The following SPOP variants were observed in gnomAD, a reference collection of about 807,000 sequenced individuals.
SPOP encodes the protein speckle type BTB/POZ protein, also known as speckle-type POZ protein.
A neutral mutation model predicts 45.6 loss-of-function variants in SPOP; 11 were observed. That is an observed-to-expected ratio of 0.24 (90% CI 0.15 to 0.40). The LOEUF (loss-of-function observed/expected upper bound fraction) is 0.40. SPOP is among the 10% of genes least tolerant of loss of function. The pLI, the probability that SPOP is intolerant of heterozygous loss-of-function variation, is 1.00. For synonymous variants in SPOP, 166 were observed against 166.3 expected (o/e 1.00, Z 0.01); for missense variants, 152 against 465.6 (o/e 0.33, Z 6.20).
rs781175213 is a variant in SPOP at position 49,621,964 on chromosome 17, G to A, written c.182C>T (p.Ala61Val). 2 of 1,613,824 alleles carry A rather than the reference G, an allele frequency of 1.2e-6. No individual in the cohort carries two copies. The highest frequency in any genetic ancestry group is 1.7e-6 in the Non-Finnish European group (2 of 1,179,806). ...TCCTCACCATTTCAGTTTATCATTT[G>A]CTCCTGATGAAAATGTAGAACTTTT... Reference protein sequence around the residue: ...VIKSSTFSSGANDKLKWCLRV... With the variant: ...VIKSSTFSSGVNDKLKWCLRV... The change falls in exon 3 of 10, where the codon GCA becomes GTA. Residue 61 changes from alanine (A) to valine (V), a missense_variant. Ala to Val is a moderately conservative substitution (Grantham distance 64). Around this residue, in one of 3 missense-constraint regions of SPOP, gnomAD observed 28 missense variants for 176.8 expected, o/e 0.16. Coordinates refer to ENST00000504102, the MANE Select transcript of SPOP (RefSeq NM_001007228.2).
chr17:49,653,569 A>C (rs1418337322), intron 1 of SPOP, among the ~76,000 whole-genome samples: 1 of 151,984 alleles, frequency 6.6e-6, no homozygotes, highest in Admixed American at 6.6e-5. Flanking sequence ...AAGCACAAGT[A>C]GGCCCAATAG....
chr17:49,671,365 T>C (rs2073133311), intron 1 of SPOP, among the ~76,000 whole-genome samples: 1 of 151,636 alleles, frequency 6.6e-6, no homozygotes, highest in Non-Finnish European at 1.5e-5. Context: ...ACCAACCTCA[T>C]AATTTACTGA....
chr17:49,608,223 A>C (rs1032180236), intron 6 of SPOP, among the ~76,000 whole-genome samples: 1 of 152,184 alleles, frequency 6.6e-6, no homozygotes, highest in Admixed American at 6.5e-5. Flanking sequence ...TGATAATGCT[A>C]TGTTCTCTGT....
chr17:49,657,523 C>A (rs994791240), intron 1 of SPOP, among the ~76,000 whole-genome samples: 1 of 150,560 alleles, frequency 6.6e-6, no homozygotes, highest in South Asian at 2.1e-4. Context: ...CTCGGCCTCT[C>A]GAGTAGCTGG....
chr17:49,654,318 C>T (rs2072879724), intron 1 of SPOP, among the ~76,000 whole-genome samples: 1 of 152,160 alleles, frequency 6.6e-6, no homozygotes, highest in African/African-American at 2.4e-5. Context: ...TTCTCAAACT[C>T]AGGGACTCAA....
intron 1 of SPOP, among the ~76,000 whole-genome samples, chr17:49,624,343 ACACACACACAC>A (rs2072285649): frequency 6.7e-6 from 1 of 149,506 alleles, no homozygotes; most frequent in Admixed American, 6.7e-5. Context: ...ACACACACAC[ACACACACACAC>A]ACACACACAC....
chr17:49,655,234 G>A (rs945391420), intron 1 of SPOP, among the ~76,000 whole-genome samples: 2 of 152,110 alleles, frequency 1.3e-5, no homozygotes, highest in South Asian at 2.1e-4. Context: ...AATTCTTGCC[G>A]GGCGCAGTGG....
At chr17:49,642,424 A>G (rs1202566590) in intron 1 of SPOP, among the ~76,000 whole-genome samples, 2 of 152,020 alleles carry the variant, frequency 1.3e-5, no homozygotes, top group Non-Finnish European at 2.9e-5. Flanking sequence ...TGGCATGCGC[A>G]GAGGTTGCAG....
intron 1 of SPOP, among the ~76,000 whole-genome samples, chr17:49,643,425 T>C (rs1054189516): frequency 6.6e-6 from 1 of 152,242 alleles, no homozygotes; most frequent in Non-Finnish European, 1.5e-5. Flanking sequence ...TTGAAACATA[T>C]GGTCCTTGAA....
chr17:49,646,855 T>C (rs1211104505), intron 1 of SPOP, among the ~76,000 whole-genome samples: 1 of 152,178 alleles, frequency 6.6e-6, no homozygotes, highest in Non-Finnish European at 1.5e-5. Flanking sequence ...ACCAACACTT[T>C]GCAATTCCTT....
chr17:49,608,828 G>A (rs1437455503), intron 6 of SPOP, among the ~76,000 whole-genome samples: 1 of 152,048 alleles, frequency 6.6e-6, no homozygotes, highest in East Asian at 1.9e-4. Context: ...ATAGTAGAAA[G>A]GTTTTGAGCT....
intron 9 of SPOP, chr17:49,601,608 T>C (rs940510129): frequency 3.4e-5 from 13 of 382,170 alleles, no homozygotes; most frequent in African/African-American, 2.5e-4. Flanking sequence ...ATTTGGGGCA[T>C]ACAGCTTTTT....
At chr17:49,656,017 G>T (rs2072908546) in intron 1 of SPOP, among the ~76,000 whole-genome samples, 2 of 152,000 alleles carry the variant, frequency 1.3e-5, no homozygotes, top group Non-Finnish European at 2.9e-5. Flanking sequence ...TCTCCATGTT[G>T]GTCAGGCTGG....
chr17:49,625,737 ATT>A (rs1378071495), intron 1 of SPOP, among the ~76,000 whole-genome samples: 5 of 152,250 alleles, frequency 3.3e-5, no homozygotes, highest in Non-Finnish European at 7.3e-5. Flanking sequence ...AGGTTTATAT[ATT>A]ATTTACAGAT....
chr17:49,659,861 C>G (rs1397779811), intron 1 of SPOP, among the ~76,000 whole-genome samples: 2 of 152,280 alleles, frequency 1.3e-5, no homozygotes, highest in East Asian at 3.8e-4. Context: ...ATCTCCCACC[C>G]TCATCTCAGT....
At chr17:49,625,866 T>A (rs1049826863) in intron 1 of SPOP, among the ~76,000 whole-genome samples, 1 of 152,206 alleles carries the variant, frequency 6.6e-6, no homozygotes, top group Non-Finnish European at 1.5e-5. Context: ...GAAAATAATG[T>A]AAGATGCTTC....
At chr17:49,624,842 T>TAAAAAAAAAAA (rs79231250) in intron 1 of SPOP, among the ~76,000 whole-genome samples, 1 of 71,834 alleles carries the variant, frequency 1.4e-5, no homozygotes. Flanking sequence ...AAAGACAAAC[T>TAAAAAAAAAAA]AAAAAAAAAA....
intron 1 of SPOP, among the ~76,000 whole-genome samples, chr17:49,634,549 T>G (rs963257221): frequency 3.3e-5 from 5 of 152,186 alleles, no homozygotes; most frequent in Admixed American, 3.3e-4. Flanking sequence ...TGAAGAACCT[T>G]ATAAAATCTA....
intron 1 of SPOP, among the ~76,000 whole-genome samples, chr17:49,637,445 C>T (rs897107508): frequency 1.3e-5 from 2 of 151,976 alleles, no homozygotes; most frequent in African/African-American, 2.4e-5. Context: ...CCACCTCCCA[C>T]GTTCAAGCAA....
Sources: allele counts gnomAD v4.1 joint callset (sites outside exome capture counted in the v4.1 genomes callset), GRCh38; gene constraint gnomAD v4.1.1; regional missense constraint gnomAD v4.1.1; transcripts MANE v1.5; gene names NCBI Gene and HGNC (gene_info 2026-07-23, HGNC 2026-07-21).